PVT1: variants seen among roughly 807,000 people sequenced by gnomAD.
PVT1 encodes CXCR4/PVT1 fusion.
At chr8:128,036,340 A>C (rs1258418002) in intron 4 of PVT1, among the ~76,000 whole-genome samples, 1 of 152,180 alleles carries the variant, frequency 6.6e-6, no homozygotes, top group African/African-American at 2.4e-5. Flanking sequence ...GGAGCACAGT[A>C]TGTACCCCAG....
At chr8:127,941,268 T>C (rs1195415416) in intron 3 of PVT1, among the ~76,000 whole-genome samples, 2 of 152,244 alleles carry the variant, frequency 1.3e-5, no homozygotes, top group Non-Finnish European at 2.9e-5. Context: ...GTGATTGGAC[T>C]GGGGCCACCC....
At chr8:128,000,566 G>T (rs754356550) in intron 4 of PVT1, among the ~76,000 whole-genome samples, 2 of 152,240 alleles carry the variant, frequency 1.3e-5, no homozygotes, top group Admixed American at 1.3e-4. Context: ...CTGAAAGTCT[G>T]CAGGCCCAGA....
intron 3 of PVT1, chr8:127,947,958 A>T (rs1238141454): frequency 2.2e-6 from 1 of 456,986 alleles, no homozygotes; most frequent in Non-Finnish European, 4.4e-6. Flanking sequence ...GCTTTTCTGC[A>T]GAGCCTGTGC....
intron 4 of PVT1, among the ~76,000 whole-genome samples, chr8:128,058,113 T>C (rs573021868): frequency 6.6e-6 from 1 of 152,324 alleles, no homozygotes; most frequent in Admixed American, 6.5e-5. Flanking sequence ...GCTTTCCTAC[T>C]CAACATGGAG....
chr8:127,984,891 T>TTC (rs1180949406), intron 3 of PVT1, among the ~76,000 whole-genome samples: 9 of 100,424 alleles, frequency 9.0e-5, no homozygotes, highest in East Asian at 2.6e-4. Flanking sequence ...CTTTCTTTCT[T>TTC]TCTTTCTTTC....
chr8:127,920,215 C>T (rs972183530), intron 3 of PVT1, among the ~76,000 whole-genome samples: 1 of 152,196 alleles, frequency 6.6e-6, no homozygotes. Flanking sequence ...GATGGCCAGA[C>T]GTTGTAAACA....
Position 127,893,881 on chromosome 8 carries a change from G to A in PVT1, n.782+2883G>A, listed in dbSNP as rs375669085. Among the ~76,000 whole-genome samples the A allele has an allele frequency of 3.9e-5, 6 of 152,176 alleles. No individual in the cohort carries two copies. The South Asian group carries it at 6.2e-4, about 16-fold the overall frequency. On this transcript the variant is annotated intron_variant and non_coding_transcript_variant, in intron 3 of 10. Coordinates refer to ENST00000651587, the Ensembl canonical transcript of PVT1. ...CTGGGCAAGCCAGGCCTAGTGGCTC[G>A]CACACTCATCAGTTAGATGGTGGGT...
In PVT1 at chr8:128,079,977, G is replaced by C. The variant is rs142813071; in HGVS notation, n.1114+9616G>C. Reference sequence around the variant, plus strand: ...GTGACCTCGTAATCCGCCCGCCTCGGCCTCCCAAGGATGTAGCCTTTTCAG... The same window carrying C: ...GTGACCTCGTAATCCGCCCGCCTCGCCCTCCCAAGGATGTAGCCTTTTCAG... On this transcript the variant is annotated intron_variant and non_coding_transcript_variant, in intron 5 of 10. Transcript: ENST00000651587. Among the ~76,000 whole-genome samples, 304 of 152,222 alleles carry C rather than the reference G, an allele frequency of 2.0e-3. 1 individual carries two copies. Among genetic ancestry groups the C allele is most frequent in the African/African-American group, 7.0e-3 (292 of 41,544 alleles).
chr8:128,090,351 A>T (rs1443295011), intron 5 of PVT1, among the ~76,000 whole-genome samples: 1 of 152,240 alleles, frequency 6.6e-6, no homozygotes, highest in Non-Finnish European at 1.5e-5. Flanking sequence ...CAGAAAGCAG[A>T]CATATTGATG....
At chr8:128,014,594 C>T (rs1256106117) in intron 4 of PVT1, among the ~76,000 whole-genome samples, 1 of 152,170 alleles carries the variant, frequency 6.6e-6, no homozygotes, top group Admixed American at 6.5e-5. Flanking sequence ...ATGAACCGAA[C>T]AGAGAACACA....
chr8:127,956,738 C>T (rs939089023), intron 3 of PVT1, among the ~76,000 whole-genome samples: 1 of 152,260 alleles, frequency 6.6e-6, no homozygotes, highest in Non-Finnish European at 1.5e-5. Context: ...CTACCTTGGC[C>T]TCCCAAAGTG....
intron 4 of PVT1, among the ~76,000 whole-genome samples, chr8:128,054,181 A>T (rs1813736866): frequency 6.6e-6 from 1 of 152,200 alleles, no homozygotes. Flanking sequence ...AAATAGGAAG[A>T]GAAGAGCCTG....
intron 4 of PVT1, among the ~76,000 whole-genome samples, chr8:128,044,015 A>T (rs59587104): frequency 0.15 from 18,992 of 126,874 alleles, 1,547 homozygotes; most frequent in African/African-American, 0.17. Flanking sequence ...TTATTTATTT[A>T]TTTTTTTTTT....
intron 4 of PVT1, among the ~76,000 whole-genome samples, chr8:128,057,462 A>G (rs1022769292): frequency 6.6e-6 from 1 of 152,160 alleles, no homozygotes; most frequent in Non-Finnish European, 1.5e-5. Context: ...TCTCTTTAAT[A>G]TATGTGAACA....
chr8:127,817,356 TATATATATATCTATTTAA>T (rs1055004642), intron 2 of PVT1, among the ~76,000 whole-genome samples: 4 of 126,692 alleles, frequency 3.2e-5, no homozygotes, highest in East Asian at 2.1e-4. Flanking sequence ...GTCTGTTACA[TATATATATATCTATTTAA>T]ATATATATAT....
chr8:128,091,235 T>G (rs1814347138), intron 5 of PVT1, among the ~76,000 whole-genome samples: 1 of 152,126 alleles, frequency 6.6e-6, no homozygotes, highest in South Asian at 2.1e-4. Flanking sequence ...AGTTTGTTTC[T>G]CCTGTCCCAA....
chr8:127,890,226 G>A (rs1815583729), intron 2 of PVT1, among the ~76,000 whole-genome samples: 1 of 152,214 alleles, frequency 6.6e-6, no homozygotes, highest in South Asian at 2.1e-4. Context: ...CAGCCCTGCA[G>A]GGGAGCCCAG....
intron 3 of PVT1, among the ~76,000 whole-genome samples, chr8:127,941,653 G>A (rs1375542378): frequency 6.6e-6 from 1 of 152,118 alleles, no homozygotes; most frequent in African/African-American, 2.4e-5. Flanking sequence ...CTATTGTTGG[G>A]CATTACTTTT....
rs56914927 is a variant in PVT1 at position 127,836,257 on chromosome 8, A to T, written n.372+40186A>T. Among the ~76,000 whole-genome samples the T allele has an allele frequency of 4.1e-3, 621 of 152,276 alleles. 23 individuals are homozygous for T. The East Asian group carries it at 0.1, about 25-fold the overall frequency. ...TTGTCCTTGAACTCTGTGTTGTCTG[A>T]CACTCAGTGGGTGGTTCATACATAT... is the stretch of plus-strand genomic sequence containing the variant. On this transcript the variant is annotated intron_variant and non_coding_transcript_variant, in intron 2 of 10. Transcript: ENST00000651587.
Sources: gnomAD v4.1 joint callset for allele counts (sites outside exome capture counted in the v4.1 genomes callset) on GRCh38, gnomAD v4.1.1 for gene constraint, MANE v1.5 for transcripts, NCBI Gene and HGNC (gene_info 2026-07-23, HGNC 2026-07-21) for gene names.